SORCS3: variants seen among roughly 807,000 people sequenced by gnomAD.
The protein encoded by SORCS3 is VPS10 domain-containing receptor SorCS3.
SORCS3 carries 57 observed loss-of-function variants against 146.3 expected under a neutral mutation model. The ratio of observed to expected loss-of-function variants is 0.39; its 90% CI spans 0.31 to 0.49. The LOEUF is 0.49. Among genes scored for constraint, SORCS3 ranks in the 20% least tolerant of loss-of-function variants. The pLI, the probability that SORCS3 is intolerant of heterozygous loss-of-function variation, is 0.92. For missense variants in SORCS3, 1,341 were observed against 1,575.5 expected (o/e 0.85, Z 2.52); for synonymous variants, 653 against 618.5 (o/e 1.06, Z -0.83).
chr10:105,129,086 T>C (rs2055997016), intron 7 of SORCS3, among the ~76,000 whole-genome samples: 1 of 152,112 alleles, frequency 6.6e-6, no homozygotes, highest in African/African-American at 2.4e-5. Flanking sequence ...ACCATTTTGA[T>C]TTTATTTTCT....
intron 1 of SORCS3, among the ~76,000 whole-genome samples, chr10:104,743,936 A>G (rs1402528067): frequency 1.3e-5 from 2 of 152,228 alleles, no homozygotes; most frequent in African/African-American, 4.8e-5. Flanking sequence ...TCATTCATTA[A>G]TAACGATTAT....
intron 5 of SORCS3, among the ~76,000 whole-genome samples, chr10:105,066,135 A>T (rs1157678998): frequency 6.6e-6 from 1 of 152,190 alleles, no homozygotes; most frequent in African/African-American, 2.4e-5. Context: ...ATTAATATTC[A>T]TGCATGGGCT....
At chr10:104,876,222 C>G (rs137875676) in intron 2 of SORCS3, among the ~76,000 whole-genome samples, 62 of 152,258 alleles carry the variant, frequency 4.1e-4, no homozygotes, top group Admixed American at 1.5e-3. Context: ...GGATTTTAAT[C>G]ATTTCCTGTT....
At chr10:105,009,641 T>G (rs1382444724) in intron 4 of SORCS3, among the ~76,000 whole-genome samples, 1 of 151,850 alleles carries the variant, frequency 6.6e-6, no homozygotes, top group African/African-American at 2.4e-5. Flanking sequence ...TCTGTTAGAG[T>G]TATTGATTAA....
chr10:104,891,032 C>T (rs1236321248), intron 2 of SORCS3, among the ~76,000 whole-genome samples: 1 of 152,028 alleles, frequency 6.6e-6, no homozygotes, highest in Non-Finnish European at 1.5e-5. Context: ...TTTTAAAATT[C>T]CTGTAAATTT....
chr10:104,731,338 C>T (rs147091106), intron 1 of SORCS3, among the ~76,000 whole-genome samples: 185 of 152,268 alleles, frequency 1.2e-3, no homozygotes, highest in African/African-American at 4.1e-3. Flanking sequence ...GATCCCAGCC[C>T]GAGGCAGAGA....
intron 3 of SORCS3, among the ~76,000 whole-genome samples, chr10:104,929,666 G>A (rs976581265): frequency 1.3e-5 from 2 of 152,160 alleles, no homozygotes; most frequent in African/African-American, 2.4e-5. Context: ...GGGGACACAG[G>A]CTCTAAGCCT....
chr10:104,996,619 C>T (rs1210057711), intron 4 of SORCS3, among the ~76,000 whole-genome samples: 3 of 152,142 alleles, frequency 2.0e-5, no homozygotes, highest in African/African-American at 7.2e-5. Flanking sequence ...GTAGAGCACA[C>T]ACTCAAGTGC....
intron 4 of SORCS3, among the ~76,000 whole-genome samples, chr10:104,978,558 G>A (rs747006184): frequency 3.3e-5 from 5 of 152,122 alleles, no homozygotes; most frequent in African/African-American, 7.2e-5. Flanking sequence ...GAAACCTAGG[G>A]AGTATCTTTA....
intron 2 of SORCS3, among the ~76,000 whole-genome samples, chr10:104,863,081 C>G (rs951824462): frequency 1.3e-5 from 2 of 152,196 alleles, no homozygotes; most frequent in Non-Finnish European, 2.9e-5. Context: ...GAGCGGGAAG[C>G]TGAGGCTTTA....
chr10:104,778,964 G>A (rs2017342881), intron 1 of SORCS3, among the ~76,000 whole-genome samples: 1 of 152,170 alleles, frequency 6.6e-6, no homozygotes, highest in Non-Finnish European at 1.5e-5. Context: ...GATCTTGAGG[G>A]GGGATCATTT....
chr10:104,687,551 G>T (rs983173927), intron 1 of SORCS3, among the ~76,000 whole-genome samples: 2 of 152,180 alleles, frequency 1.3e-5, no homozygotes, highest in Admixed American at 6.5e-5. Context: ...GAGTGTGTTT[G>T]TGCACTGGGG....
At chr10:104,714,495 C>T (rs931221069) in intron 1 of SORCS3, among the ~76,000 whole-genome samples, 1 of 152,056 alleles carries the variant, frequency 6.6e-6, no homozygotes, top group African/African-American at 2.4e-5. Context: ...AACTTGTCTT[C>T]ATTTTTGACC....
chr10:104,653,107 C>G (rs2015583547), intron 1 of SORCS3, among the ~76,000 whole-genome samples: 1 of 152,144 alleles, frequency 6.6e-6, no homozygotes, highest in Admixed American at 6.5e-5. Context: ...ATGCTATCAC[C>G]AAACCTGGGT....
intron 3 of SORCS3, among the ~76,000 whole-genome samples, chr10:104,916,605 G>A (rs1322745602): frequency 2.0e-5 from 3 of 152,136 alleles, no homozygotes; most frequent in Non-Finnish European, 4.4e-5. Flanking sequence ...GGAACAATGG[G>A]CAGTTTTAGA....
chr10:104,997,766 C>A (rs1472037348), intron 4 of SORCS3, among the ~76,000 whole-genome samples: 2 of 152,114 alleles, frequency 1.3e-5, no homozygotes, highest in Non-Finnish European at 1.5e-5. Context: ...CATGCCAGAG[C>A]CTCCTTTTTC....
intron 16 of SORCS3, among the ~76,000 whole-genome samples, chr10:105,208,347 G>GAA (rs752487151): frequency 8.4e-5 from 10 of 119,016 alleles, no homozygotes; most frequent in African/African-American, 9.3e-5. Context: ...TCTCAGAGAG[G>GAA]AAAAAAAAAA....
chr10:105,005,250 G>T (rs1056738340), intron 4 of SORCS3, among the ~76,000 whole-genome samples: 1 of 152,112 alleles, frequency 6.6e-6, no homozygotes, highest in African/African-American at 2.4e-5. Context: ...AATTAGCCAG[G>T]GCTTTTGCAT....
At chr10:105,249,521 G>T (rs940917988) in intron 22 of SORCS3, among the ~76,000 whole-genome samples, 5 of 152,170 alleles carry the variant, frequency 3.3e-5, no homozygotes, top group African/African-American at 1.2e-4. Flanking sequence ...GAGCATTGCT[G>T]TATGGAGCGG....
Sources: allele counts gnomAD v4.1 joint callset (sites outside exome capture counted in the v4.1 genomes callset), GRCh38; gene constraint gnomAD v4.1.1; transcripts MANE v1.5; gene names NCBI Gene and HGNC (gene_info 2026-07-23, HGNC 2026-07-21).